Variants in FRMD5 observed in about 807,000 individuals in gnomAD.
The protein encoded by FRMD5 is FERM domain-containing protein 5.
A neutral mutation model predicts 69.0 loss-of-function variants in FRMD5; 20 were observed. The observed-to-expected ratio is 0.29, with a 90% CI of 0.20 to 0.42. The LOEUF is 0.42. Among genes scored for constraint, FRMD5 ranks in the 10% least tolerant of loss-of-function variants. FRMD5 has a pLI of 1.00. For missense variants in FRMD5, 595 were observed against 708.6 expected (o/e 0.84, Z 1.82); for synonymous variants, 271 against 260.1 (o/e 1.04, Z -0.40).
chr15:43,952,942 A>C (rs536057653), intron 1 of FRMD5, among the ~76,000 whole-genome samples: 1 of 152,370 alleles, frequency 6.6e-6, no homozygotes, highest in African/African-American at 2.4e-5. Flanking sequence ...TCTGGTCCTG[A>C]GAAATTATCT....
chr15:43,975,975 A>G (rs2090456015), intron 1 of FRMD5, among the ~76,000 whole-genome samples: 1 of 152,110 alleles, frequency 6.6e-6, no homozygotes, highest in Admixed American at 6.6e-5. Flanking sequence ...ACACATGTTC[A>G]TTTTCAACAA....
intron 1 of FRMD5, chr15:43,989,580 C>T (rs992489542): frequency 4.2e-5 from 36 of 854,544 alleles, no homozygotes; most frequent in Middle Eastern, 5.0e-4. Context: ...TTGGCTGTGG[C>T]GGTGAAGATG....
intron 7 of FRMD5, among the ~76,000 whole-genome samples, chr15:43,896,273 C>G (rs867715209): frequency 6.6e-6 from 1 of 152,344 alleles, no homozygotes. Context: ...GAGCTTCTGT[C>G]TCAGTTTAGG....
intron 1 of FRMD5, among the ~76,000 whole-genome samples, chr15:44,107,079 G>T (rs1267943925): frequency 6.6e-6 from 1 of 152,148 alleles, no homozygotes; most frequent in Non-Finnish European, 1.5e-5. Flanking sequence ...GGGTGTCAGG[G>T]ACCACCCAGG....
intron 1 of FRMD5, among the ~76,000 whole-genome samples, chr15:43,949,944 T>C (rs1200268128): frequency 6.6e-6 from 1 of 151,942 alleles, no homozygotes; most frequent in Non-Finnish European, 1.5e-5. Flanking sequence ...TGCATGGAGA[T>C]TCCAAGGCTT....
chr15:44,102,271 T>C (rs1159530147), intron 1 of FRMD5, among the ~76,000 whole-genome samples: 2 of 152,190 alleles, frequency 1.3e-5, no homozygotes, highest in Non-Finnish European at 2.9e-5. Flanking sequence ...GCCTGGATGC[T>C]ACAGTGTGAA....
intron 1 of FRMD5, among the ~76,000 whole-genome samples, chr15:44,062,261 T>C (rs1893119382): frequency 6.6e-6 from 1 of 152,208 alleles, no homozygotes; most frequent in African/African-American, 2.4e-5. Flanking sequence ...CAAATTTCCT[T>C]CTCAAGTAAG....
chr15:44,133,007 C>G (rs1340779497), intron 1 of FRMD5, among the ~76,000 whole-genome samples: 1 of 150,838 alleles, frequency 6.6e-6, no homozygotes, highest in Non-Finnish European at 1.5e-5. Flanking sequence ...GTGATCCGCC[C>G]ATCTTGGCCT....
At position 44,038,759 on chromosome 15, in the gene FRMD5, A is replaced by T. The variant is rs118170063; in HGVS notation, c.103-114450T>A. Among the ~76,000 whole-genome samples, 654 of 151,836 alleles carry T rather than the reference A, an allele frequency of 4.3e-3. 6 individuals are homozygous for T. The highest frequency in any genetic ancestry group is 6.6e-3 in the Non-Finnish European group (445 of 67,934). On this transcript the variant is annotated intron_variant, in intron 1 of 13. Transcript: ENST00000417257. ...CCCGGGAAGCACGAGGGGTCAGGGG[A>T]TTTCCCATTCCTAGCCAAGGGCAGC...
chr15:43,970,066 A>G (rs2090352205), intron 1 of FRMD5, among the ~76,000 whole-genome samples: 1 of 152,214 alleles, frequency 6.6e-6, no homozygotes, highest in African/African-American at 2.4e-5. Flanking sequence ...AAAAAGTGGG[A>G]ACTGGATTTT....
chr15:44,167,547 T>TA (rs1020586539), intron 1 of FRMD5, among the ~76,000 whole-genome samples: 5 of 152,306 alleles, frequency 3.3e-5, no homozygotes, highest in Admixed American at 1.3e-4. Context: ...CAAGGACCTC[T>TA]CTCTGAGGCA....
intron 1 of FRMD5, among the ~76,000 whole-genome samples, chr15:43,987,262 T>C (rs1447104654): frequency 6.6e-6 from 1 of 152,182 alleles, no homozygotes; most frequent in Non-Finnish European, 1.5e-5. Flanking sequence ...GAAAAACATG[T>C]TGAAAGGCCA....
chr15:43,873,370 C>A lies in FRMD5; in HGVS notation c.*515G>T. The A allele has an allele frequency of 6.9e-7, 1 of 1,457,940 alleles. No homozygotes were observed. The highest frequency in any genetic ancestry group is 9.0e-7 in the Non-Finnish European group (1 of 1,112,784). The allele number at this position is 1,457,940 out of a possible 1,614,324, so 90.3% of individuals were successfully genotyped here. A position where few individuals can be genotyped will look rare whatever the true frequency, so the allele number is the denominator to read the frequency against. ...AAACAAACAAAAAACTAAACAGTCC[C>A]CATTGTCCAGATCCCTGGCCTGCCC... On this transcript the variant is annotated 3_prime_UTR_variant, in exon 14 of 14. Coordinates refer to ENST00000417257, the MANE Select transcript of FRMD5 (RefSeq NM_032892.5).
chr15:43,959,689 C>A (rs1281946510), intron 1 of FRMD5, among the ~76,000 whole-genome samples: 1 of 152,118 alleles, frequency 6.6e-6, no homozygotes, highest in Non-Finnish European at 1.5e-5. Context: ...AACATGCCTA[C>A]CTTTTGGATT....
intron 1 of FRMD5, among the ~76,000 whole-genome samples, chr15:43,966,432 G>A (rs2090296420): frequency 6.6e-6 from 1 of 151,966 alleles, no homozygotes; most frequent in Admixed American, 6.6e-5. Context: ...TAGGAAAAAA[G>A]TAACAATAGG....
At chr15:44,038,819 C>A (rs776184499) in intron 1 of FRMD5, among the ~76,000 whole-genome samples, 4 of 152,048 alleles carry the variant, frequency 2.6e-5, no homozygotes, top group African/African-American at 7.2e-5. Context: ...CAGTGCACTG[C>A]GGCCCAGATA....
chr15:44,027,335 A>C (rs979204220), intron 1 of FRMD5, among the ~76,000 whole-genome samples: 23 of 152,290 alleles, frequency 1.5e-4, no homozygotes, highest in South Asian at 4.1e-4. Context: ...AACAAAAAAA[A>C]CCCAAAAAAA....
chr15:44,037,933 C>T (rs960893873), intron 1 of FRMD5, among the ~76,000 whole-genome samples: 12 of 152,146 alleles, frequency 7.9e-5, no homozygotes, highest in Admixed American at 6.5e-4. Context: ...AAAAGCATTC[C>T]TATTTCTCCA....
chr15:43,917,773 C>CA (rs1448824170), intron 4 of FRMD5: 6 of 152,368 alleles, frequency 3.9e-5, no homozygotes, highest in Admixed American at 2.6e-4. Flanking sequence ...TTTTCTGAAG[C>CA]AAAGCAAGAG....
Sources: gnomAD v4.1 joint callset for allele counts (sites outside exome capture counted in the v4.1 genomes callset) on GRCh38, gnomAD v4.1.1 for gene constraint, MANE v1.5 for transcripts, NCBI Gene and HGNC (gene_info 2026-07-23, HGNC 2026-07-21) for gene names.